Variants in PSMA1 observed in about 807,000 individuals in gnomAD.
The protein encoded by PSMA1 is proteasome subunit alpha type-1.
A neutral mutation model predicts 38.4 loss-of-function variants in PSMA1; 3 were observed. The ratio of observed to expected loss-of-function variants is 0.08; its 90% CI spans 0.04 to 0.20. The LOEUF (loss-of-function observed/expected upper bound fraction) is 0.20. Ranked by LOEUF, PSMA1 falls within the 10% of genes least tolerant of loss-of-function variation. PSMA1 has a pLI of 1.00. For synonymous variants in PSMA1, 101 were observed against 107.1 expected, an observed-to-expected ratio of 0.94 and a Z score of 0.35; for missense variants, 227 against 325.3, an observed-to-expected ratio of 0.70 and a Z score of 2.32.
At chr11:14,577,222 AAGATAGGTCACT>A (rs1214255842) in intron 2 of PSMA1, among the ~76,000 whole-genome samples, 3 of 152,184 alleles carry the variant, frequency 2.0e-5, no homozygotes, top group African/African-American at 7.2e-5. Flanking sequence ...AAAGCCCTAT[AAGATAGGTCACT>A]ATTATTATCT....
At chr11:14,581,953 C>T (rs192962373) in intron 2 of PSMA1, among the ~76,000 whole-genome samples, 15 of 152,330 alleles carry the variant, frequency 9.8e-5, no homozygotes, top group African/African-American at 3.6e-4. Flanking sequence ...AAAAACTTTG[C>T]CCCTGATTCT....
chr11:14,571,952 A>G (rs1043697209), intron 2 of PSMA1, among the ~76,000 whole-genome samples: 9 of 152,234 alleles, frequency 5.9e-5, no homozygotes, highest in Non-Finnish European at 1.5e-5. Context: ...TTAATTCAAC[A>G]AGAAGAGCTA....
intron 2 of PSMA1, among the ~76,000 whole-genome samples, chr11:14,542,675 C>T (rs761194003): frequency 6.6e-6 from 1 of 152,186 alleles, no homozygotes; most frequent in Non-Finnish European, 1.5e-5. Flanking sequence ...TAAATGGCAC[C>T]ACAGGGCTGG....
At chr11:14,592,240 T>C (rs1852425639) in intron 2 of PSMA1, among the ~76,000 whole-genome samples, 1 of 152,088 alleles carries the variant, frequency 6.6e-6, no homozygotes, top group South Asian at 2.1e-4. Flanking sequence ...TTGAAGTCAG[T>C]GAGACCAAGA....
chr11:14,528,069 C>T (rs1021090509), intron 2 of PSMA1, among the ~76,000 whole-genome samples: 1 of 151,836 alleles, frequency 6.6e-6, no homozygotes, highest in African/African-American at 2.4e-5. Context: ...TTTCTCTTTC[C>T]TCCAAAATCG....
intron 2 of PSMA1, among the ~76,000 whole-genome samples, chr11:14,607,722 G>A (rs1189413007): frequency 2.6e-5 from 4 of 152,170 alleles, no homozygotes; most frequent in African/African-American, 9.7e-5. Context: ...AAGGACAACT[G>A]GGTAGGAAGA....
rs1385089122 is a variant in PSMA1, at chr11:14,575,993, T to C, written c.21+34973A>G. ...GGTATCTCATTGTGGTTTTGATTTG[T>C]ATTTCTCTGATGGCCAGTGATGATG... On this transcript the variant is annotated intron_variant, in intron 2 of 10. Transcript: ENST00000418988. 1.8e-3 allele frequency among the ~76,000 whole-genome samples: 272 copies of C among 152,264 alleles called. 2 individuals carry two copies. The highest frequency in any genetic ancestry group is 1.3e-3 in the Non-Finnish European group (88 of 68,000).
intron 2 of PSMA1, among the ~76,000 whole-genome samples, chr11:14,585,473 A>G (rs1213765832): frequency 6.6e-6 from 1 of 152,260 alleles, no homozygotes; most frequent in Non-Finnish European, 1.5e-5. Context: ...TTGCCAAATT[A>G]AAAGTTTACA....
intron 2 of PSMA1, among the ~76,000 whole-genome samples, chr11:14,609,575 A>C (rs1037989000): frequency 6.6e-6 from 1 of 152,192 alleles, no homozygotes; most frequent in African/African-American, 2.4e-5. Context: ...GACTATTTTG[A>C]ATAAAAACCT....
chr11:14,611,522 A>G (rs1255905597), intron 1 of PSMA1, among the ~76,000 whole-genome samples: 1 of 152,222 alleles, frequency 6.6e-6, no homozygotes, highest in East Asian at 1.9e-4. Context: ...AAATTCTACA[A>G]TGAAGGATTT....
chr11:14,532,078 T>A (rs1012061882), intron 2 of PSMA1, among the ~76,000 whole-genome samples: 8 of 151,140 alleles, frequency 5.3e-5, no homozygotes, highest in Non-Finnish European at 8.8e-5. Context: ...CATTTTAATT[T>A]TTTTCAGGGT....
intron 2 of PSMA1, among the ~76,000 whole-genome samples, chr11:14,528,570 G>GC (rs1851612410): frequency 6.6e-6 from 1 of 151,848 alleles, no homozygotes; most frequent in Non-Finnish European, 1.5e-5. Context: ...AATTTTCGCT[G>GC]CCCCAACTCT....
At chr11:14,614,714 A>T (rs1852750590) in intron 1 of PSMA1, among the ~76,000 whole-genome samples, 1 of 152,180 alleles carries the variant, frequency 6.6e-6, no homozygotes, top group Non-Finnish European at 1.5e-5. Context: ...TCTGTTCATT[A>T]AATCTTCAGA....
intron 2 of PSMA1, among the ~76,000 whole-genome samples, chr11:14,607,508 T>C (rs1404724652): frequency 1.3e-5 from 2 of 152,222 alleles, no homozygotes; most frequent in African/African-American, 4.8e-5. Context: ...ATTGTACCCC[T>C]GGCTGAAAAT....
intron 2 of PSMA1, among the ~76,000 whole-genome samples, chr11:14,585,519 T>A (rs1852334162): frequency 6.6e-6 from 1 of 152,160 alleles, no homozygotes; most frequent in Non-Finnish European, 1.5e-5. Context: ...TTTAAGAACT[T>A]CAGAGAACCC....
chr11:14,596,213 T>A (rs1458430262), intron 2 of PSMA1, among the ~76,000 whole-genome samples: 1 of 152,174 alleles, frequency 6.6e-6, no homozygotes, highest in Non-Finnish European at 1.5e-5. Flanking sequence ...CTTAGGATTG[T>A]CTTGGCAATA....
chr11:14,519,696 T>C (rs531266867), intron 1 of PSMA1, among the ~76,000 whole-genome samples: 48 of 152,196 alleles, frequency 3.2e-4, no homozygotes, highest in Admixed American at 2.0e-4. Context: ...GGGAGTGAGA[T>C]TGAGTGCTAG....
chr11:14,598,483 C>G (rs1412934157), intron 2 of PSMA1, among the ~76,000 whole-genome samples: 1 of 151,924 alleles, frequency 6.6e-6, no homozygotes, highest in Non-Finnish European at 1.5e-5. Flanking sequence ...TTGAATTAAT[C>G]CCTTTACCAT....
chr11:14,580,864 A>G (rs1173169033), intron 2 of PSMA1, among the ~76,000 whole-genome samples: 1 of 152,272 alleles, frequency 6.6e-6, no homozygotes, highest in East Asian at 1.9e-4. Context: ...GAAGATTAGG[A>G]GCCCTCAGTT....
Sources: allele counts gnomAD v4.1 joint callset (sites outside exome capture counted in the v4.1 genomes callset), GRCh38; gene constraint gnomAD v4.1.1; transcripts MANE v1.5; gene names NCBI Gene and HGNC (gene_info 2026-07-23, HGNC 2026-07-21).